The following USH2A variants were observed in gnomAD, a reference collection of about 807,000 sequenced individuals.
USH2A encodes the protein usherin.
A neutral mutation model predicts 538.9 loss-of-function variants in USH2A; 443 were observed. That is an observed-to-expected ratio of 0.82 (90% confidence interval 0.76 to 0.89). USH2A has a LOEUF of 0.89. USH2A is among the 40% of genes least tolerant of loss of function. The pLI, the probability that USH2A is intolerant of heterozygous loss-of-function variation, is 0.00. For missense variants in USH2A, 6,633 were observed against 6,324.8 expected (o/e 1.05, Z -1.65); for synonymous variants, 2,413 against 2,273.5 (o/e 1.06, Z -1.75).
chr1:216,139,135 A>G (rs932090479), intron 21 of USH2A, among the ~76,000 whole-genome samples: 3 of 152,052 alleles, frequency 2.0e-5, no homozygotes, highest in African/African-American at 7.2e-5. Context: ...TCATCCTCTC[A>G]GCTTCAGTAT....
intron 35 of USH2A, among the ~76,000 whole-genome samples, chr1:215,981,309 T>A (rs1013899875): frequency 1.3e-4 from 20 of 152,162 alleles, no homozygotes; most frequent in African/African-American, 4.6e-4. Context: ...GGATACAGTT[T>A]TCTGATGGTT....
At chr1:215,952,414 C>T (rs891704062) in intron 37 of USH2A, among the ~76,000 whole-genome samples, 1 of 152,082 alleles carries the variant, frequency 6.6e-6, no homozygotes, top group African/African-American at 2.4e-5. Flanking sequence ...GAATGTGATC[C>T]TGTCATTATG....
chr1:215,900,266 A>C (rs527926101), intron 39 of USH2A, 49 bp from the exon 40 acceptor site: 1 of 1,605,382 alleles, frequency 6.2e-7, no homozygotes, highest in South Asian at 1.1e-5. Context: ...ATTCAAAGAA[A>C]TAAAAGCAAG....
At chr1:216,343,565 A>G (rs2038118218) in intron 4 of USH2A, among the ~76,000 whole-genome samples, 1 of 151,632 alleles carries the variant, frequency 6.6e-6, no homozygotes, top group South Asian at 2.1e-4. Context: ...CAATACCATT[A>G]ATAGATTTAT....
At chr1:216,326,372 C>T (rs1436215757) in intron 5 of USH2A, among the ~76,000 whole-genome samples, 2 of 152,134 alleles carry the variant, frequency 1.3e-5, no homozygotes, top group Non-Finnish European at 2.9e-5. Flanking sequence ...TCTCAGACCC[C>T]AGTGGAGCAG....
At chr1:216,295,221 ATAT>A (rs1047937779) in intron 9 of USH2A, among the ~76,000 whole-genome samples, 14 of 151,844 alleles carry the variant, frequency 9.2e-5, no homozygotes, top group Admixed American at 8.5e-4. Context: ...AAATAAAAAA[ATAT>A]TGTCAATTTT....
At chr1:216,205,072 T>C (rs1228759827) in intron 16 of USH2A, among the ~76,000 whole-genome samples, 1 of 152,206 alleles carries the variant, frequency 6.6e-6, no homozygotes, top group Non-Finnish European at 1.5e-5. Flanking sequence ...ATAAAATAGA[T>C]CACAATATGT....
rs1246245901 is a variant in USH2A, at chr1:215,625,399, C to G, written c.*382G>C. 1 of 297,982 alleles carries G rather than the reference C, an allele frequency of 3.4e-6. No individual in the cohort carries two copies. The highest frequency in any genetic ancestry group is 6.5e-6 in the Non-Finnish European group (1 of 154,290). 18.5% of individuals were successfully genotyped at this position (297,982 alleles called of 1,614,324 possible). ...ATGAACAGCAGTGACATCCTTTCAA[C>G]AGAATCATTTTTGAGCCAGTAACTA... On this transcript the variant is annotated 3_prime_UTR_variant, in exon 72 of 72. Coordinates refer to ENST00000307340, the MANE Select transcript of USH2A (RefSeq NM_206933.4).
At chr1:215,720,868 T>A (rs2102706660) in intron 61 of USH2A, among the ~76,000 whole-genome samples, 1 of 152,250 alleles carries the variant, frequency 6.6e-6, no homozygotes, top group East Asian at 1.9e-4. Flanking sequence ...ATCTGCCCCC[T>A]CAAAATTAAT....
At chr1:215,845,104 A>G (rs1663803092) in intron 45 of USH2A, among the ~76,000 whole-genome samples, 1 of 152,186 alleles carries the variant, frequency 6.6e-6, no homozygotes, top group Non-Finnish European at 1.5e-5. Flanking sequence ...TAACTATGCA[A>G]AGACCTATTT....
intron 30 of USH2A, among the ~76,000 whole-genome samples, chr1:216,060,831 A>G (rs1229554755): frequency 1.3e-5 from 2 of 152,172 alleles, no homozygotes; most frequent in Non-Finnish European, 2.9e-5. Flanking sequence ...TTCAAATCAA[A>G]TTATGAAGTC....
rs1207085795 is a variant in USH2A, at chr1:216,122,384, A to G, written c.4628-25171T>C. Among the ~76,000 whole-genome samples, 5 of 152,210 alleles carry G rather than the reference A, an allele frequency of 3.3e-5. No homozygotes were observed. The South Asian group carries it at 6.2e-4, about 19-fold the overall frequency. ...TAGAGACTTGAACTGACAAATAAGC[A>G]TAACAATAGGTGAAACTTGGAAGGC... On this transcript the variant is annotated intron_variant, in intron 21 of 71. Transcript: ENST00000307340.
At chr1:216,351,218 A>G (rs1194652831) in intron 4 of USH2A, among the ~76,000 whole-genome samples, 2 of 152,232 alleles carry the variant, frequency 1.3e-5, no homozygotes, top group East Asian at 1.9e-4. Context: ...AGTCAATTCT[A>G]TAATACATTA....
rs569854166 is a variant in USH2A at position 216,029,699 on chromosome 1, C to T, written c.6325+16732G>A. 1.2e-4 allele frequency among the ~76,000 whole-genome samples: 18 copies of T among 151,806 alleles called. No homozygotes were observed. The East Asian group carries it at 1.5e-3, about 13-fold the overall frequency. On this transcript the variant is annotated intron_variant, in intron 32 of 71. Transcript: ENST00000307340. ...ACTGTATTTTCAGCAATTCTCTTAA[C>T]GTCCAGAAAATAGTAGTTATTATAT...
intron 3 of USH2A, among the ~76,000 whole-genome samples, chr1:216,382,784 G>C (rs984445696): frequency 2.6e-5 from 4 of 152,104 alleles, no homozygotes; most frequent in Admixed American, 1.3e-4. Context: ...TAGGGGTTTG[G>C]GGTAATTGGA....
chr1:216,200,359 G>A (rs2034957484), intron 16 of USH2A, among the ~76,000 whole-genome samples: 1 of 152,096 alleles, frequency 6.6e-6, no homozygotes. Flanking sequence ...GTTTGTTTTA[G>A]TTCTTCTTTT....
At chr1:216,328,436 C>A (rs2037779594) in intron 4 of USH2A, among the ~76,000 whole-genome samples, 2 of 152,070 alleles carry the variant, frequency 1.3e-5, no homozygotes, top group African/African-American at 4.8e-5. Context: ...AGCAGAAAAA[C>A]TACCGACTCC....
chr1:216,118,905 C>G lies in USH2A; in HGVS notation c.4628-21692G>C, dbSNP rs549430586. 2.0e-5 allele frequency among the ~76,000 whole-genome samples: 3 copies of G among 152,316 alleles called. No individual in the cohort carries two copies. The East Asian group carries it at 5.8e-4, about 29-fold the overall frequency. On this transcript the variant is annotated intron_variant, in intron 21 of 71. Coordinates refer to ENST00000307340, the MANE Select transcript of USH2A (RefSeq NM_206933.4). ...TCTTAAACTCTTGGCTGTGCCCAAA[C>G]AGAGACTAAACAAAAATGTCTCATT...
At chr1:215,630,885 G>A (rs954143241) in intron 70 of USH2A, among the ~76,000 whole-genome samples, 1 of 151,588 alleles carries the variant, frequency 6.6e-6, no homozygotes, top group Non-Finnish European at 1.5e-5. Flanking sequence ...AAACCTTGGT[G>A]AGTGGAAATT....
Sources: gnomAD v4.1 joint callset for allele counts (sites outside exome capture counted in the v4.1 genomes callset) on GRCh38, gnomAD v4.1.1 for gene constraint, MANE v1.5 for transcripts, NCBI Gene and HGNC (gene_info 2026-07-23, HGNC 2026-07-21) for gene names.